The following ZDHHC20 variants were observed in gnomAD, a reference collection of about 807,000 sequenced individuals.
ZDHHC20 encodes palmitoyltransferase ZDHHC20.
ZDHHC20 carries 43 observed loss-of-function variants against 57.8 expected under a neutral mutation model. The ratio of observed to expected loss-of-function variants is 0.74; its 90% CI spans 0.58 to 0.96. ZDHHC20 has a LOEUF of 0.96. Ranked by LOEUF, ZDHHC20 falls within the 40% of genes least tolerant of loss-of-function variation. The pLI is 0.00. For missense variants in ZDHHC20, 391 were observed against 441.1 expected, an observed-to-expected ratio of 0.89 and a Z score of 1.02; for synonymous variants, 157 against 153.0, an observed-to-expected ratio of 1.03 and a Z score of -0.19.
chr13:21,402,024 C>T (rs892427736), intron 5 of ZDHHC20, among the ~76,000 whole-genome samples: 17 of 152,108 alleles, frequency 1.1e-4, no homozygotes, highest in Non-Finnish European at 7.4e-5. Flanking sequence ...CATTTGAGGT[C>T]ATGAGTTCGA....
At chr13:21,433,008 G>C (rs373186565) in intron 1 of ZDHHC20, among the ~76,000 whole-genome samples, 1 of 152,170 alleles carries the variant, frequency 6.6e-6, no homozygotes, top group South Asian at 2.1e-4. Context: ...AGATACTACA[G>C]TCTTGATTAC....
intron 1 of ZDHHC20, 86 bp downstream of exon 1, chr13:21,458,968 A>G: frequency 9.8e-7 from 1 of 1,021,242 alleles, no homozygotes; most frequent in Non-Finnish European, 1.3e-6. Flanking sequence ...TGGCTCCAGA[A>G]AGGCGGCGGG....
chr13:21,395,662 C>G (rs985049585), intron 7 of ZDHHC20, among the ~76,000 whole-genome samples: 21 of 151,514 alleles, frequency 1.4e-4, no homozygotes, highest in African/African-American at 4.9e-4. Context: ...CCACCACACC[C>G]AGCTAATTTT....
intron 1 of ZDHHC20, among the ~76,000 whole-genome samples, chr13:21,441,418 C>T (rs1289612406): frequency 6.6e-6 from 1 of 150,380 alleles, no homozygotes; most frequent in African/African-American, 2.4e-5. Context: ...CGGAGTCTAG[C>T]ACTGTCGCCC....
chr13:21,437,818 A>G (rs887317448), intron 1 of ZDHHC20, among the ~76,000 whole-genome samples: 1 of 152,022 alleles, frequency 6.6e-6, no homozygotes, highest in Admixed American at 6.6e-5. Context: ...CAGCCTCCTA[A>G]GTAGGTAGGA....
chr13:21,425,566 A>G, intron 2 of ZDHHC20, 86 bp downstream of exon 2: 1 of 972,170 alleles, frequency 1.0e-6, no homozygotes. Flanking sequence ...AAACAAAAAC[A>G]CATGCATTCA....
At chr13:21,450,640 G>C (rs1884355833) in intron 1 of ZDHHC20, among the ~76,000 whole-genome samples, 1 of 152,070 alleles carries the variant, frequency 6.6e-6, no homozygotes, top group Non-Finnish European at 1.5e-5. Flanking sequence ...GGTAACTGCA[G>C]AATTCAAATA....
chr13:21,413,520 G>GT, intron 4 of ZDHHC20, 132 bp downstream of exon 4: 1 of 714,774 alleles, frequency 1.4e-6, no homozygotes, highest in Non-Finnish European at 2.0e-6. Context: ...AAACAGGAAA[G>GT]TCTTGTTGCT....
At chr13:21,406,536 C>T (rs1383929464) in intron 4 of ZDHHC20, among the ~76,000 whole-genome samples, 1 of 152,022 alleles carries the variant, frequency 6.6e-6, no homozygotes, top group African/African-American at 2.4e-5. Flanking sequence ...CCTCCCCTTC[C>T]CCTCCACCCC....
chr13:21,457,302 G>T (rs1179650402), intron 1 of ZDHHC20, among the ~76,000 whole-genome samples: 1 of 151,950 alleles, frequency 6.6e-6, no homozygotes, highest in East Asian at 1.9e-4. Flanking sequence ...AACCACTACG[G>T]GAATTAAAAT....
chr13:21,400,253 TA>T, intron 7 of ZDHHC20, 119 bp downstream of exon 7: 1 of 966,632 alleles, frequency 1.0e-6, no homozygotes, highest in Non-Finnish European at 1.4e-6. Flanking sequence ...GATGGATTTA[TA>T]AAACTCTAAC....
intron 9 of ZDHHC20, among the ~76,000 whole-genome samples, chr13:21,383,748 G>A (rs2137663331): frequency 6.6e-6 from 1 of 152,174 alleles, no homozygotes; most frequent in Non-Finnish European, 1.5e-5. Flanking sequence ...AATATTTACT[G>A]AATGCCTATG....
At chr13:21,435,441 TA>T (rs906413225) in intron 1 of ZDHHC20, among the ~76,000 whole-genome samples, 1 of 152,036 alleles carries the variant, frequency 6.6e-6, no homozygotes, top group African/African-American at 2.4e-5. Flanking sequence ...AAGGAAGTAC[TA>T]AAAAAACAAT....
At position 21,445,105 on chromosome 13, in the gene ZDHHC20, T is replaced by TA. The variant is rs1302873131; in HGVS notation, c.118+13948dup. Among the ~76,000 whole-genome samples, 172 of 151,980 alleles carry TA rather than the reference T, an allele frequency of 1.1e-3. 2 individuals are homozygous for TA. Among genetic ancestry groups the TA allele is most frequent in the African/African-American group, 4.0e-3 (167 of 41,372 alleles). On this transcript the variant is annotated intron_variant, in intron 1 of 12. Coordinates refer to ENST00000400590, the MANE Select transcript of ZDHHC20 (RefSeq NM_001330059.2). ...ACATGTTTTACATGTATGTTTTATA[T>TA]ATTTATATATATATATGGGAGAGGT... is the stretch of plus-strand genomic sequence containing the variant.
chr13:21,423,288 T>C (rs1880849336), intron 2 of ZDHHC20, among the ~76,000 whole-genome samples: 1 of 152,228 alleles, frequency 6.6e-6, no homozygotes, highest in Non-Finnish European at 1.5e-5. Context: ...ACATTGATTG[T>C]CATACACATT....
chr13:21,434,810 C>T (rs1321332880), intron 1 of ZDHHC20, among the ~76,000 whole-genome samples: 2 of 151,496 alleles, frequency 1.3e-5, no homozygotes, highest in Non-Finnish European at 1.5e-5. Flanking sequence ...CACAATATTC[C>T]GTTGTGTGGA....
intron 3 of ZDHHC20, among the ~76,000 whole-genome samples, chr13:21,417,272 C>G (rs1593237235): frequency 6.6e-6 from 1 of 152,190 alleles, no homozygotes; most frequent in South Asian, 2.1e-4. Flanking sequence ...AAATTTATCA[C>G]AATTTTTAAT....
chr13:21,427,834 C>CAAAAAA lies in ZDHHC20; in HGVS notation c.119-2162_119-2157dup, dbSNP rs755599024. Among the ~76,000 whole-genome samples, 3 of 92,512 alleles carry CAAAAAA rather than the reference C, an allele frequency of 3.2e-5. 1 individual carries two copies. The highest frequency in any genetic ancestry group is 5.9e-5 in the Non-Finnish European group (3 of 50,638). The allele number at this position is 92,512 out of a possible 152,430, so 60.7% of individuals were successfully genotyped here. A position where few individuals can be genotyped will look rare whatever the true frequency, so the allele number is the denominator to read the frequency against. On this transcript the variant is annotated intron_variant, in intron 1 of 12. Transcript: ENST00000400590. Reference sequence around the variant, plus strand: ...TGGACAACAGAACTAGACTCTGTTTCAAAAAAAAAAAAAAAAAAAAACCAA... The same window carrying CAAAAAA: ...TGGACAACAGAACTAGACTCTGTTTCAAAAAAAAAAAAAAAAAAAAAAAAAAACCAA...
chr13:21,384,161 C>T (rs563776662), intron 9 of ZDHHC20, among the ~76,000 whole-genome samples: 5 of 150,940 alleles, frequency 3.3e-5, no homozygotes, highest in South Asian at 2.1e-4. Flanking sequence ...TGAGGTGGGC[C>T]GGGTGCAGTG....
Sources: allele counts gnomAD v4.1 joint callset (sites outside exome capture counted in the v4.1 genomes callset), GRCh38; gene constraint gnomAD v4.1.1; transcripts MANE v1.5; gene names NCBI Gene and HGNC (gene_info 2026-07-23, HGNC 2026-07-21).